Variants in PCDHA4 observed in about 807,000 individuals in gnomAD.
PCDHA4 encodes protocadherin alpha-4.
In PCDHA4, 49 loss-of-function variants were observed where a neutral mutation model predicts 61.4. The ratio of observed to expected loss-of-function variants is 0.80; its 90% CI spans 0.63 to 1.01. The LOEUF (loss-of-function observed/expected upper bound fraction) is 1.01, where lower values mean the gene tolerates loss of function less well. PCDHA4 is among the 50% of genes least tolerant of loss of function. PCDHA4 has a pLI of 0.00. For synonymous variants in PCDHA4, 590 were observed against 550.3 expected (o/e 1.07, Z -1.01); for missense variants, 1,254 against 1,235.8 (o/e 1.01, Z -0.22).
At chr5:140,855,666 A>G (rs2043560136) in intron 1 of PCDHA4, among the ~76,000 whole-genome samples, 2 of 149,632 alleles carry the variant, frequency 1.3e-5, no homozygotes, top group Admixed American at 6.7e-5. Context: ...AGAAATCACT[A>G]CTCTGAGAGT....
At chr5:140,957,674 T>C (rs2095374808) in intron 1 of PCDHA4, among the ~76,000 whole-genome samples, 1 of 152,084 alleles carries the variant, frequency 6.6e-6, no homozygotes, top group African/African-American at 2.4e-5. Flanking sequence ...AAATTAATTA[T>C]GAAATATCTA....
At position 140,809,344 on chromosome 5, in the gene PCDHA4, C is replaced by A. The variant is rs782610697; in HGVS notation, c.2157C>A (p.Thr719=). The change falls in exon 1 of 4, where the codon ACC becomes ACA. Residue 719 remains threonine, a synonymous_variant. Coordinates refer to ENST00000530339, the MANE Select transcript of PCDHA4 (RefSeq NM_018907.4). ...SLLVLTLLLY[T]ALRCSALPTE... ...TGGTGCTCACGCTGCTGCTGTACAC[C>A]GCGCTGCGGTGCTCTGCGCTGCCCA... 2.2e-5 allele frequency: 35 copies of A among 1,614,082 alleles called. No homozygotes were observed. The highest frequency in any genetic ancestry group is 1.7e-4 in the Middle Eastern group (1 of 6,052).
intron 1 of PCDHA4, among the ~76,000 whole-genome samples, chr5:140,846,624 T>G (rs1554141412): frequency 6.7e-6 from 1 of 149,082 alleles, no homozygotes; most frequent in Non-Finnish European, 1.5e-5. Flanking sequence ...TCCGCCCACT[T>G]CGGCCTCCTA....
chr5:140,901,440 G>C (rs187310877), intron 1 of PCDHA4, among the ~76,000 whole-genome samples: 22 of 152,214 alleles, frequency 1.4e-4, no homozygotes, highest in Admixed American at 5.2e-4. Flanking sequence ...TGGATATCTA[G>C]TTTCCCAGCA....
Position 140,877,355 on chromosome 5 carries a change from C to T in PCDHA4, c.2385+67783C>T. On this transcript the variant is annotated intron_variant, in intron 1 of 3. Coordinates refer to ENST00000530339, the MANE Select transcript of PCDHA4 (RefSeq NM_018907.4). ...ATCCCGTTCCACGTGGGGCTGTACA[C>T]TGGCGAGATCAGCACGACACGCATC... 1.2e-6 allele frequency: 2 copies of T among 1,614,012 alleles called. No homozygotes were observed. Among genetic ancestry groups the T allele is most frequent in the Non-Finnish European group, 8.5e-7 (1 of 1,179,888 alleles).
At chr5:140,854,372 C>A in intron 1 of PCDHA4, 1 of 156,718 alleles carries the variant, frequency 6.4e-6, no homozygotes, top group South Asian at 2.0e-4. Context: ...TATTTTGATA[C>A]ATAACTCATT....
At chr5:140,992,236 G>A (rs1431521103) in intron 3 of PCDHA4, among the ~76,000 whole-genome samples, 1 of 152,168 alleles carries the variant, frequency 6.6e-6, no homozygotes, top group African/African-American at 2.4e-5. Context: ...GAAGAGTAAG[G>A]AAGGAAGTAG....
intron 3 of PCDHA4, among the ~76,000 whole-genome samples, chr5:141,008,458 C>T (rs1234894606): frequency 3.9e-5 from 6 of 152,252 alleles, no homozygotes; most frequent in Middle Eastern, 3.4e-3. Context: ...CCTTCCTCTC[C>T]AGCTCTGACT....
chr5:140,849,790 C>A (rs2150450402), intron 1 of PCDHA4: 2 of 1,598,236 alleles, frequency 1.3e-6, no homozygotes, highest in Admixed American at 3.4e-5. Context: ...GACGGGGGCT[C>A]GCCTTCACTG....
intron 1 of PCDHA4, chr5:140,828,272 C>G: frequency 6.2e-7 from 1 of 1,614,040 alleles, no homozygotes. Context: ...GGAGCTGGTG[C>G]CGCGCCTGTT....
intron 1 of PCDHA4, chr5:140,824,256 C>T (rs1554129826): frequency 7.4e-7 from 1 of 1,360,360 alleles, no homozygotes; most frequent in Non-Finnish European, 1.0e-6. Context: ...ACAATTATTG[C>T]ACTAATTCAT....
chr5:140,953,283 G>A (rs1377100708), intron 1 of PCDHA4, among the ~76,000 whole-genome samples: 5 of 152,132 alleles, frequency 3.3e-5, no homozygotes, highest in Non-Finnish European at 7.3e-5. Flanking sequence ...CTCTTTATAT[G>A]TGATTCAGGG....
chr5:140,882,164 C>T (rs2058984922), intron 1 of PCDHA4: 2 of 1,509,832 alleles, frequency 1.3e-6, no homozygotes. Flanking sequence ...ATACCTCTTG[C>T]GAATCCTTCC....
intron 1 of PCDHA4, chr5:140,882,620 C>T: frequency 6.2e-7 from 1 of 1,614,220 alleles, no homozygotes; most frequent in Non-Finnish European, 8.5e-7. Flanking sequence ...GCAGGTTTTC[C>T]ATGTGGAGGT....
chr5:140,993,853 A>G (rs1423193144), intron 3 of PCDHA4, among the ~76,000 whole-genome samples: 5 of 152,198 alleles, frequency 3.3e-5, no homozygotes, highest in African/African-American at 7.2e-5. Context: ...GTAGTAGGCT[A>G]TGCCATCTAG....
intron 3 of PCDHA4, among the ~76,000 whole-genome samples, chr5:141,001,306 A>C (rs1554258083): frequency 6.6e-6 from 1 of 152,174 alleles, no homozygotes; most frequent in African/African-American, 2.4e-5. Context: ...CAGAGATATG[A>C]AATAATTTGC....
chr5:140,927,513 C>G, intron 1 of PCDHA4: 1 of 1,614,062 alleles, frequency 6.2e-7, no homozygotes, highest in Non-Finnish European at 8.5e-7. Context: ...CAGCTCGGGA[C>G]GGCGGGCTAC....
chr5:140,899,101 G>T (rs1554188394), intron 1 of PCDHA4, among the ~76,000 whole-genome samples: 5 of 152,096 alleles, frequency 3.3e-5, no homozygotes, highest in Non-Finnish European at 7.4e-5. Context: ...CTGAGATAAT[G>T]GGGTTTTCTA....
intron 1 of PCDHA4, chr5:140,821,624 A>G: frequency 1.1e-6 from 1 of 893,550 alleles, no homozygotes; most frequent in Non-Finnish European, 1.7e-6. Context: ...GATTTTCCTT[A>G]GACAGAAAGG....
Sources: gnomAD v4.1 joint callset for allele counts (sites outside exome capture counted in the v4.1 genomes callset) on GRCh38, gnomAD v4.1.1 for gene constraint, MANE v1.5 for transcripts, NCBI Gene and HGNC (gene_info 2026-07-23, HGNC 2026-07-21) for gene names.